ZBTB47: variants seen among roughly 807,000 people sequenced by gnomAD.
ZBTB47 encodes zinc finger and BTB domain containing 47.
A neutral mutation model predicts 56.6 loss-of-function variants in ZBTB47; 24 were observed. That is an observed-to-expected ratio of 0.42 (90% CI 0.31 to 0.60). The LOEUF is 0.60. Among genes scored for constraint, ZBTB47 ranks in the 20% least tolerant of loss-of-function variants. The pLI is 0.14. For synonymous variants in ZBTB47, 414 were observed against 418.9 expected (o/e 0.99, Z 0.14); for missense variants, 829 against 1,032.6 (o/e 0.80, Z 2.70).
intron 2 of ZBTB47, among the ~76,000 whole-genome samples, chr3:42,660,668 GC>G (rs1392967729): frequency 1.3e-5 from 2 of 152,326 alleles, no homozygotes; most frequent in East Asian, 1.9e-4. Flanking sequence ...TAATTGCAGT[GC>G]CCTGTGGAGA....
rs1390002707 is a variant in ZBTB47, at chr3:42,656,196, G to T, written c.-81-2079G>T. On this transcript the variant is annotated intron_variant, in intron 1 of 5. Coordinates refer to ENST00000232974, the MANE Select transcript of ZBTB47 (RefSeq NM_145166.4). The surrounding 1 kb of genome is among the most constrained non-coding windows in gnomAD (Gnocchi z 5.8). ...CCTTCACTGACCTGCAGGTGCAGTG[G>T]CTCTAGGGAGGAGGGAGCAGGTAGA... 6.6e-6 allele frequency among the ~76,000 whole-genome samples: 1 copy of T among 152,246 alleles called. No individual in the cohort carries two copies. The highest frequency in any genetic ancestry group is 1.5e-5 in the Non-Finnish European group (1 of 68,042).
At chr3:42,662,981 A>G in intron 3 of ZBTB47, 31 bp from the exon 4 acceptor site, 1 of 1,567,896 alleles carries the variant, frequency 6.4e-7, no homozygotes, top group Non-Finnish European at 8.8e-7. Flanking sequence ...CAGGCCCGTA[A>G]AACATGATGG....
In ZBTB47 at chr3:42,658,862, C is replaced by A. The variant is rs747945628; in HGVS notation, c.507C>A (p.Asp169Glu). Residue 169 changes from aspartate to glutamate, a missense_variant, in exon 2 of 6, where the codon GAC becomes GAA. Physicochemically the swap from Asp to Glu is conservative, Grantham distance 45. Transcript: ENST00000232974. The stretch of plus-strand genomic sequence containing the variant: ...ACCCTTACTCGGTGCGTGTTGAGGA[C>A]GGGGCAGGGACTGCTGGTGGCACAG... ...GPDPYSVRVEDGAGTAGGTVP... is the reference protein window; with the variant it reads ...GPDPYSVRVEEGAGTAGGTVP... 4 of 1,527,568 alleles carry A rather than the reference C, an allele frequency of 2.6e-6. No individual in the cohort carries two copies. The highest frequency in any genetic ancestry group is 1.2e-5 in the South Asian group (1 of 82,582). The allele number at this position is 1,527,568 out of a possible 1,614,324, so 94.6% of individuals were successfully genotyped here. A position where few individuals can be genotyped will look rare whatever the true frequency, so the allele number is the denominator to read the frequency against.
In ZBTB47 at chr3:42,666,560, A is replaced by G. The variant is rs1201374430; in HGVS notation, c.*1962A>G. Among the ~76,000 whole-genome samples the G allele has an allele frequency of 6.6e-6, 1 of 152,090 alleles. No individual in the cohort carries two copies. The highest frequency in any genetic ancestry group is 1.9e-4 in the East Asian group (1 of 5,176). The stretch of plus-strand genomic sequence containing the variant: ...TTCCCAAAAAAAGTTGATCTCTCCC[A>G]GTGGGCTGTAGGCAGGGTCCTCCAT... On this transcript the variant is annotated 3_prime_UTR_variant, in exon 6 of 6. Transcript: ENST00000232974.
chr3:42,661,663 G>A (rs1389247711), intron 3 of ZBTB47, 31 bp downstream of exon 3: 1 of 1,610,860 alleles, frequency 6.2e-7, no homozygotes, highest in Non-Finnish European at 8.5e-7. Context: ...GATGGAGCCA[G>A]AGGATAGAGA....
At chr3:42,662,253 G>C (rs184379249) in intron 3 of ZBTB47, among the ~76,000 whole-genome samples, 1 of 152,346 alleles carries the variant, frequency 6.6e-6, no homozygotes, top group Admixed American at 6.5e-5. Context: ...GGGCCTTGAG[G>C]GGGAGGGGTA....
rs772781689 is a variant in ZBTB47, at chr3:42,666,246, T to C, written c.*1648T>C. ...TGTTCTCTGGGCTTGGAGGGTACAGTGCCAGCAGCTTCCTTGCCCAATTGA... is the reference window on the plus strand; with the variant it reads ...TGTTCTCTGGGCTTGGAGGGTACAGCGCCAGCAGCTTCCTTGCCCAATTGA... On this transcript the variant is annotated 3_prime_UTR_variant, in exon 6 of 6. Coordinates refer to ENST00000232974, the MANE Select transcript of ZBTB47 (RefSeq NM_145166.4). 8.5e-5 allele frequency among the ~76,000 whole-genome samples: 13 copies of C among 152,208 alleles called. No individual in the cohort carries two copies. The highest frequency in any genetic ancestry group is 1.8e-4 in the Non-Finnish European group (12 of 68,040).
chr3:42,653,437 G>A (rs1161844003), upstream of ZBTB47, among the ~76,000 whole-genome samples: 1 of 152,172 alleles, frequency 6.6e-6, no homozygotes, highest in African/African-American at 2.4e-5. Context: ...GAGTGACCCA[G>A]GATGGGCAGT....
intron 2 of ZBTB47, among the ~76,000 whole-genome samples, chr3:42,660,977 G>C (rs1014000338): frequency 6.6e-6 from 1 of 152,148 alleles, no homozygotes; most frequent in Non-Finnish European, 1.5e-5. Context: ...TGCCTGATGG[G>C]ACCTTGAGCC....
intron 5 of ZBTB47, 68 bp from the exon 6 acceptor site, chr3:42,664,169 G>A: frequency 6.3e-7 from 1 of 1,583,780 alleles, no homozygotes; most frequent in Non-Finnish European, 8.6e-7. Context: ...ATGGGAGACG[G>A]AGGCTGGCCC....
At position 42,659,646 on chromosome 3, in the gene ZBTB47, G is replaced by A. The variant is rs1159729579; in HGVS notation, c.1291G>A (p.Glu431Lys). The change falls in exon 2 of 6, where the codon GAG becomes AAG. Residue 431 changes from glutamate to lysine, a missense_variant. Glu to Lys is a moderately conservative substitution (Grantham distance 56). Around this residue, in one of 6 missense-constraint regions of ZBTB47, gnomAD observed 187 missense variants for 253.1 expected, o/e 0.74. Transcript: ENST00000232974. ...TDGLGAKVKL[E>K]EKQHHPCQKC... ...TGGGCTGGGGGCCAAGGTGAAGCTG[G>A]AGGAGAAGCAGCACCATCCATGCCA... 6.2e-7 allele frequency: 1 copy of A among 1,612,060 alleles called. No homozygotes were observed. The highest frequency in any genetic ancestry group is 1.1e-5 in the South Asian group (1 of 90,798).
rs1710665543 is a variant in ZBTB47, at chr3:42,658,444, C to G, written c.89C>G (p.Ala30Gly). 1 of 1,536,914 alleles carries G rather than the reference C, an allele frequency of 6.5e-7. No homozygotes were observed. Residue 30 changes from alanine (A) to glycine (G), a missense_variant, in exon 2 of 6, where the codon GCA (alanine) becomes GGA (glycine). This residue lies in a region of ZBTB47 where 120 missense variants were observed against 200.2 expected (regional missense o/e 0.60). Transcript: ENST00000232974. Reference protein sequence around the residue: ...VLVPQRSVFPAHKGVLAAYSQ... With the variant: ...VLVPQRSVFPGHKGVLAAYSQ... Reference sequence around the variant, plus strand: ...GTGCCCCAGCGCAGCGTCTTTCCGGCACACAAGGGTGTGCTAGCCGCCTAC... The same window carrying G: ...GTGCCCCAGCGCAGCGTCTTTCCGGGACACAAGGGTGTGCTAGCCGCCTAC...
rs547539322 is a variant in ZBTB47 at position 42,665,850 on chromosome 3, T to A, written c.*1252T>A. ...GCACTAATAGGAAACCCTTTTTTGT[T>A]GTCATTTAATGTCTTTATTCCTGCC... On this transcript the variant is annotated 3_prime_UTR_variant, in exon 6 of 6. Coordinates refer to ENST00000232974, the MANE Select transcript of ZBTB47 (RefSeq NM_145166.4). The A allele has an allele frequency of 4.6e-5, 7 of 152,808 alleles. No individual in the cohort carries two copies. The South Asian group carries it at 1.4e-3, about 32-fold the overall frequency. The allele number at this position is 152,808 out of a possible 1,614,324, so 9.5% of individuals were successfully genotyped here.
intron 2 of ZBTB47, among the ~76,000 whole-genome samples, chr3:42,661,057 A>G (rs1293750725): frequency 1.3e-5 from 2 of 152,178 alleles, no homozygotes; most frequent in Admixed American, 1.3e-4. Flanking sequence ...GTCATGGCAC[A>G]GGTCCCAGCA....
intron 5 of ZBTB47, 22 bp from the exon 6 acceptor site, chr3:42,664,215 G>A: frequency 6.2e-7 from 1 of 1,611,404 alleles, no homozygotes. Context: ...CTGACGCCCT[G>A]CTGCCCACCC....
Position 42,665,810 on chromosome 3 carries a change from G to GC in ZBTB47, c.*1217dup, listed in dbSNP as rs1710782045. 6.6e-6 allele frequency: 1 copy of GC among 152,638 alleles called. No individual in the cohort carries two copies. The highest frequency in any genetic ancestry group is 1.5e-5 in the Non-Finnish European group (1 of 68,050). 9.5% of individuals were successfully genotyped at this position (152,638 alleles called of 1,614,324 possible). On this transcript the variant is annotated 3_prime_UTR_variant, in exon 6 of 6. Transcript: ENST00000232974. ...AGGCGCAGCCTAGACCCAATTGCTT[G>GC]CCCCCATGAGGCTAGCACTAATAGG...
chr3:42,658,603 C>T lies in ZBTB47; in HGVS notation c.248C>T (p.Ala83Val), dbSNP rs770000962. Residue 83 changes from alanine to valine, a missense_variant, in exon 2 of 6, where the codon GCG (alanine) becomes GTG (valine). Ala to Val is a moderately conservative substitution (Grantham distance 64). Around this residue, in one of 6 missense-constraint regions of ZBTB47, gnomAD observed 120 missense variants for 200.2 expected, o/e 0.60. Transcript: ENST00000232974. ...TATACGTCCAAGCTGCTGGTCAACG[C>T]GGCCAACGTCCACGAGGTGCTCAGC... Reference protein sequence around the residue: ...FIYTSKLLVNAANVHEVLSAA... With the variant: ...FIYTSKLLVNVANVHEVLSAA... 7.2e-6 allele frequency: 11 copies of T among 1,536,908 alleles called. No individual in the cohort carries two copies. Among genetic ancestry groups the T allele is most frequent in the Admixed American group, 2.0e-5 (1 of 50,990 alleles).
In ZBTB47 at chr3:42,659,102, G is replaced by A. The variant is rs766117528; in HGVS notation, c.747G>A (p.Thr249=). The A allele has an allele frequency of 3.9e-5, 59 of 1,495,736 alleles. No homozygotes were observed. Among genetic ancestry groups the A allele is most frequent in the East Asian group, 1.7e-4 (7 of 40,516 alleles). The allele number at this position is 1,495,736 out of a possible 1,614,324, so 92.7% of individuals were successfully genotyped here. Reference sequence around the variant, plus strand: ...ACAACCAGACACTGCACGTGTCCACGGGGCCAGAGGGGAAGCCAGGTGCCG... The same window carrying A: ...ACAACCAGACACTGCACGTGTCCACAGGGCCAGAGGGGAAGCCAGGTGCCG... ...NLNNQTLHVS[T]GPEGKPGAGP... is the part of the protein sequence containing the mutation. Residue 249 remains threonine, a synonymous_variant, in exon 2 of 6, where the codon ACG becomes ACA. Coordinates refer to ENST00000232974, the MANE Select transcript of ZBTB47 (RefSeq NM_145166.4).
Position 42,658,310 on chromosome 3 carries a change from T to G in ZBTB47, c.-46T>G. ...AGAAGACAACTGACTCCCCGGCGGC[T>G]GAGTTCTCGCTGGTGGAGGACGTGG... On this transcript the variant is annotated 5_prime_UTR_variant, in exon 2 of 6. Coordinates refer to ENST00000232974, the MANE Select transcript of ZBTB47 (RefSeq NM_145166.4). 1 of 1,491,946 alleles carries G rather than the reference T, an allele frequency of 6.7e-7. No individual in the cohort carries two copies. The highest frequency in any genetic ancestry group is 1.3e-5 in the South Asian group (1 of 76,528). The allele number at this position is 1,491,946 out of a possible 1,614,324, so 92.4% of individuals were successfully genotyped here.
Sources: gnomAD v4.1 joint callset for allele counts (sites outside exome capture counted in the v4.1 genomes callset) on GRCh38, gnomAD v4.1.1 for gene constraint, gnomAD v4.1.1 regional missense constraint, Gnocchi (gnomAD v3.1) non-coding constraint, MANE v1.5 for transcripts, NCBI Gene and HGNC (gene_info 2026-07-23, HGNC 2026-07-21) for gene names.